The following GPR107 variants were observed in gnomAD, a reference collection of about 807,000 sequenced individuals.
GPR107 encodes protein GPR107.
GPR107 carries 31 observed loss-of-function variants against 75.5 expected under a neutral mutation model. That is an observed-to-expected ratio of 0.41 (90% CI 0.31 to 0.55). The LOEUF (loss-of-function observed/expected upper bound fraction) is 0.55. Ranked by LOEUF, GPR107 falls within the 20% of genes least tolerant of loss-of-function variation. The probability of loss-of-function intolerance (pLI) is 0.26; values close to 1 mark genes in which losing one functional copy is unlikely to be tolerated. For synonymous variants in GPR107, 267 were observed against 251.3 expected, an observed-to-expected ratio of 1.06 and a Z score of -0.59; for missense variants, 572 against 665.7, an observed-to-expected ratio of 0.86 and a Z score of 1.55.
chr9:130,114,362 C>G (rs1396043894), intron 14 of GPR107, among the ~76,000 whole-genome samples: 1 of 151,900 alleles, frequency 6.6e-6, no homozygotes, highest in African/African-American at 2.4e-5. Context: ...GAGTAAGACT[C>G]CGTCTCGAAA....
rs1436812117 is a variant in GPR107, at chr9:130,100,617, G to A, written c.940-12G>A. On this transcript the variant is annotated splice_polypyrimidine_tract_variant and intron_variant, in intron 10 of 17. Coordinates refer to ENST00000347136, the MANE Select transcript of GPR107 (RefSeq NM_020960.5). The stretch of plus-strand genomic sequence containing the variant: ...TAATGAGTGATTCTGAAATGCAGTT[G>A]TTTGATTTCAGATTGACTACCACTA... 1 of 1,595,508 alleles carries A rather than the reference G, an allele frequency of 6.3e-7. No individual in the cohort carries two copies. Among genetic ancestry groups the A allele is most frequent in the Non-Finnish European group, 8.6e-7 (1 of 1,163,064 alleles).
chr9:130,100,560 A>C (rs1830999956), intron 10 of GPR107, 69 bp from the exon 11 acceptor site: 1 of 1,107,134 alleles, frequency 9.0e-7, no homozygotes, highest in East Asian at 2.3e-5. Flanking sequence ...AAATGGGTCC[A>C]AGTTAAAAGA....
At chr9:130,111,323 CTG>C (rs750562031) in intron 14 of GPR107, among the ~76,000 whole-genome samples, 82 of 152,062 alleles carry the variant, frequency 5.4e-4, no homozygotes, top group East Asian at 1.4e-3. Context: ...ACACAAAAAA[CTG>C]TGGCAGACCA....
At chr9:130,091,096 A>G (rs1830723553) in intron 8 of GPR107, 113 bp downstream of exon 8, 3 of 651,434 alleles carry the variant, frequency 4.6e-6, no homozygotes, top group African/African-American at 1.9e-5. Flanking sequence ...GTGGGCAGAC[A>G]CACATTCCTG....
chr9:130,101,249 C>A lies in GPR107; in HGVS notation c.1131+26C>A, dbSNP rs760640185. On this transcript the variant is annotated intron_variant, in intron 12 of 17. Transcript: ENST00000347136. ...GTAAAAGAACCCTCATCCCATTTGT[C>A]ACTTCCTTTCTTGGCGCTTAGCAGG... 5 of 1,214,438 alleles carry A rather than the reference C, an allele frequency of 4.1e-6. No homozygotes were observed. The East Asian group carries it at 7.0e-5, about 17-fold the overall frequency. 75.2% of individuals were successfully genotyped at this position (1,214,438 alleles called of 1,614,324 possible). A position where few individuals can be genotyped will look rare whatever the true frequency, so the allele number is the denominator to read the frequency against.
rs1194192907 is a variant in GPR107, at chr9:130,138,011, A to G, written c.*2890A>G. On this transcript the variant is annotated 3_prime_UTR_variant, in exon 18 of 18. Coordinates refer to ENST00000347136, the MANE Select transcript of GPR107 (RefSeq NM_020960.5). ...TAATAAAGTGTGTATGCTTTGCTAG[A>G]AAATTATTTCTTGGACAATAGGAAC... 6.6e-6 allele frequency: 1 copy of G among 152,224 alleles called. No individual in the cohort carries two copies. Among genetic ancestry groups the G allele is most frequent in the Non-Finnish European group, 1.5e-5 (1 of 68,042 alleles). 9.4% of individuals were successfully genotyped at this position (152,224 alleles called of 1,614,324 possible). A position where few individuals can be genotyped will look rare whatever the true frequency, so the allele number is the denominator to read the frequency against.
At chr9:130,132,831 A>T (rs1554899355) in intron 17 of GPR107, among the ~76,000 whole-genome samples, 1 of 149,464 alleles carries the variant, frequency 6.7e-6, no homozygotes, top group East Asian at 1.9e-4. Flanking sequence ...TTATATATTT[A>T]TATATATATA....
At chr9:130,104,185 A>T (rs901201242) in intron 12 of GPR107, among the ~76,000 whole-genome samples, 1 of 152,194 alleles carries the variant, frequency 6.6e-6, no homozygotes, top group Admixed American at 6.5e-5. Flanking sequence ...ACACAGCAGT[A>T]CTTCCATCTT....
intron 1 of GPR107, among the ~76,000 whole-genome samples, chr9:130,071,052 T>TTC: frequency 6.8e-6 from 1 of 147,010 alleles, no homozygotes; most frequent in Non-Finnish European, 1.5e-5. Flanking sequence ...TTTTTTTTTT[T>TTC]TGAGACAGAG....
At chr9:130,121,329 A>C (rs940760803) in intron 14 of GPR107, among the ~76,000 whole-genome samples, 14 of 150,668 alleles carry the variant, frequency 9.3e-5, no homozygotes, top group African/African-American at 3.5e-4. Flanking sequence ...CTGATTAGCT[A>C]AAAAAGAAAA....
chr9:130,121,365 T>C (rs1470534913), intron 14 of GPR107, among the ~76,000 whole-genome samples: 1 of 152,168 alleles, frequency 6.6e-6, no homozygotes, highest in African/African-American at 2.4e-5. Flanking sequence ...AAAAATCTTA[T>C]AATGTTTTAA....
At chr9:130,062,864 C>T (rs996848069) in intron 1 of GPR107, among the ~76,000 whole-genome samples, 8 of 152,174 alleles carry the variant, frequency 5.3e-5, no homozygotes, top group African/African-American at 1.9e-4. Flanking sequence ...GCTAGTACTA[C>T]AGGTGCACAC....
At chr9:130,100,846 A>G in intron 11 of GPR107, 144 bp downstream of exon 11, 1 of 678,056 alleles carries the variant, frequency 1.5e-6, no homozygotes, top group Non-Finnish European at 2.6e-6. Context: ...AGTGTAGCTC[A>G]TGGGTGGCTG....
intron 1 of GPR107, among the ~76,000 whole-genome samples, chr9:130,072,376 C>A (rs940121454): frequency 6.6e-6 from 1 of 152,002 alleles, no homozygotes; most frequent in East Asian, 1.9e-4. Context: ...CGTGCCACCT[C>A]GCCCAGCTAA....
intron 1 of GPR107, among the ~76,000 whole-genome samples, chr9:130,055,412 CA>C (rs1472226591): frequency 6.6e-6 from 1 of 151,626 alleles, no homozygotes; most frequent in Admixed American, 6.6e-5. Context: ...CTTGTAGTCC[CA>C]GCTACTCGGG....
chr9:130,118,056 G>C (rs556562153), intron 14 of GPR107, among the ~76,000 whole-genome samples: 1 of 152,222 alleles, frequency 6.6e-6, no homozygotes, highest in African/African-American at 2.4e-5. Flanking sequence ...GGTGTTAAGA[G>C]CTTGGTCCTT....
Position 130,121,930 on chromosome 9 carries a change from A to G in GPR107, c.1307-2985A>G, listed in dbSNP as rs868633551. 8.6e-5 allele frequency among the ~76,000 whole-genome samples: 13 copies of G among 151,516 alleles called. No homozygotes were observed. The South Asian group carries it at 2.7e-3, about 32-fold the overall frequency. On this transcript the variant is annotated intron_variant, in intron 14 of 17. Transcript: ENST00000347136. ...TTTTGAGGTGGAGTCTCGCTCTGTC[A>G]CCCAGGCTGGAGTGCAGTGGCGTGA...
At chr9:130,085,754 A>ATTTTTTTTTTTTTTTTTTTTTTTTTTT (rs71387311) in intron 6 of GPR107, among the ~76,000 whole-genome samples, 1,251 of 78,542 alleles carry the variant, frequency 0.016, 311 homozygotes, top group East Asian at 0.032. Context: ...CAATATTTTG[A>ATTTTTTTTTTTTTTTTTTTTTTTTTTT]TTTTTTTTTT....
chr9:130,070,710 A>G, intron 1 of GPR107, among the ~76,000 whole-genome samples: 1 of 151,402 alleles, frequency 6.6e-6, no homozygotes, highest in East Asian at 1.9e-4. Flanking sequence ...GTGGGTAACA[A>G]TTTTTTTTTC....
Sources: gnomAD v4.1 joint callset for allele counts (sites outside exome capture counted in the v4.1 genomes callset) on GRCh38, gnomAD v4.1.1 for gene constraint, MANE v1.5 for transcripts, NCBI Gene and HGNC (gene_info 2026-07-23, HGNC 2026-07-21) for gene names.